TBC1D32: variants seen among roughly 807,000 people sequenced by gnomAD.
TBC1D32 encodes the protein TBC1 domain family member 32.
TBC1D32 carries 151 observed loss-of-function variants against 170.3 expected under a neutral mutation model. That is an observed-to-expected ratio of 0.89 (90% CI 0.78 to 1.01). The LOEUF (loss-of-function observed/expected upper bound fraction) is 1.01, where lower values mean the gene tolerates loss of function less well. TBC1D32 is among the 50% of genes least tolerant of loss of function. The probability of loss-of-function intolerance (pLI) is 0.00; values close to 1 mark genes in which losing one functional copy is unlikely to be tolerated. For synonymous variants in TBC1D32, 498 were observed against 488.0 expected (o/e 1.02, Z -0.27); for missense variants, 1,464 against 1,457.1 (o/e 1.00, Z -0.08).
chr6:121,191,287 A>C (rs1228773057), intron 22 of TBC1D32, among the ~76,000 whole-genome samples: 1 of 152,218 alleles, frequency 6.6e-6, no homozygotes, highest in East Asian at 1.9e-4. Context: ...TGATTGGCAC[A>C]CACAAAAGTA....
intron 22 of TBC1D32, among the ~76,000 whole-genome samples, chr6:121,185,913 C>T (rs756333167): frequency 3.9e-5 from 6 of 152,048 alleles, no homozygotes; most frequent in Admixed American, 6.6e-5. Flanking sequence ...TAGGATATCA[C>T]GCAGGACACA....
intron 21 of TBC1D32, among the ~76,000 whole-genome samples, chr6:121,213,515 A>AACATAACAT (rs1793397991): frequency 1.9e-4 from 5 of 25,880 alleles, no homozygotes; most frequent in Admixed American, 1.1e-3. Flanking sequence ...AAAATAAAAT[A>AACATAACAT]AAATAAAATA....
rs115054004 is a variant in TBC1D32 at position 121,122,632 on chromosome 6, T to G, written c.2983+3746A>C. 3.6e-3 allele frequency among the ~76,000 whole-genome samples: 549 copies of G among 152,216 alleles called. 2 individuals are homozygous for G. Among genetic ancestry groups the G allele is most frequent in the African/African-American group, 0.013 (526 of 41,568 alleles). The stretch of plus-strand genomic sequence containing the variant: ...TAATACTTTAATCTTCACTCCTAAC[T>G]AAAACTTCCCAGATCCTTTTTCTGT... On this transcript the variant is annotated intron_variant, in intron 26 of 31. Coordinates refer to ENST00000398212, the MANE Select transcript of TBC1D32 (RefSeq NM_152730.6).
At chr6:121,101,466 A>T (rs1778053301) in intron 30 of TBC1D32, among the ~76,000 whole-genome samples, 1 of 152,174 alleles carries the variant, frequency 6.6e-6, no homozygotes, top group Admixed American at 6.6e-5. Context: ...CCATCACATA[A>T]ACTGAACCAA....
At chr6:121,206,602 C>T (rs1265727396) in intron 21 of TBC1D32, among the ~76,000 whole-genome samples, 1 of 152,092 alleles carries the variant, frequency 6.6e-6, no homozygotes, top group Admixed American at 6.6e-5. Context: ...AACAACTGGA[C>T]TGTGGGTAGA....
rs562801292 is a variant in TBC1D32, at chr6:121,096,731, A to G, written c.3466-5690T>C. ...CATACGGAACCAAAAAAGATCCCAC[A>G]TTGCCAAGACAATCCTAAGCCAAAA... On this transcript the variant is annotated intron_variant, in intron 30 of 31. Coordinates refer to ENST00000398212, the MANE Select transcript of TBC1D32 (RefSeq NM_152730.6). 3.3e-5 allele frequency among the ~76,000 whole-genome samples: 5 copies of G among 152,290 alleles called. No individual in the cohort carries two copies. In the South Asian group the frequency reaches 1.0e-3, roughly 32 times the overall value.
intron 10 of TBC1D32, among the ~76,000 whole-genome samples, chr6:121,296,347 T>C (rs1273128188): frequency 6.6e-6 from 1 of 151,992 alleles, no homozygotes; most frequent in Admixed American, 6.6e-5. Context: ...ACCTGGGGGG[T>C]TGTCTTGGGG....
intron 24 of TBC1D32, among the ~76,000 whole-genome samples, chr6:121,146,021 G>A (rs1228470737): frequency 1.3e-5 from 2 of 152,186 alleles, no homozygotes; most frequent in Non-Finnish European, 2.9e-5. Flanking sequence ...AGTAAACAAA[G>A]CTGGGGTAGG....
At chr6:121,171,498 G>A (rs578017325) in intron 22 of TBC1D32, among the ~76,000 whole-genome samples, 1 of 151,914 alleles carries the variant, frequency 6.6e-6, no homozygotes, top group East Asian at 1.9e-4. Flanking sequence ...AAGGTTTTTT[G>A]TTTTGTTTTT....
chr6:121,101,486 C>A (rs529218663), intron 30 of TBC1D32, among the ~76,000 whole-genome samples: 6 of 152,032 alleles, frequency 3.9e-5, no homozygotes, highest in African/African-American at 1.4e-4. Context: ...AAGACAAAAA[C>A]CACATGGTTA....
intron 24 of TBC1D32, among the ~76,000 whole-genome samples, chr6:121,158,682 A>G (rs1273755): frequency 0.17 from 25,797 of 152,038 alleles, 2,825 homozygotes; most frequent in African/African-American, 0.28. Flanking sequence ...GAGAGCTACA[A>G]CCCTATACAG....
At chr6:121,214,457 C>T (rs113670412) in intron 21 of TBC1D32, among the ~76,000 whole-genome samples, 2,871 of 152,284 alleles carry the variant, frequency 0.019, 102 homozygotes, top group African/African-American at 0.066. Flanking sequence ...TGGGGTCCAG[C>T]CACTGCTCAA....
chr6:121,238,314 C>A (rs961084490), intron 20 of TBC1D32, among the ~76,000 whole-genome samples: 4 of 152,086 alleles, frequency 2.6e-5, no homozygotes, highest in African/African-American at 9.7e-5. Flanking sequence ...ATATTAACTT[C>A]CCTCTATTTT....
Position 121,206,007 on chromosome 6 carries a change from C to A in TBC1D32, c.2482-844G>T, listed in dbSNP as rs373740083. Among the ~76,000 whole-genome samples the A allele has an allele frequency of 2.6e-5, 4 of 151,994 alleles. No homozygotes were observed. In the East Asian group the frequency reaches 7.8e-4, roughly 30 times the overall value. ...TGGGCAGACCACAAGGTCAGGAGTT[C>A]GAGACCAGCCTGGCCAACATGGTGA... On this transcript the variant is annotated intron_variant, in intron 21 of 31. Transcript: ENST00000398212.
At chr6:121,119,795 T>C (rs1478373480) in intron 26 of TBC1D32, among the ~76,000 whole-genome samples, 2 of 152,126 alleles carry the variant, frequency 1.3e-5, no homozygotes, top group Non-Finnish European at 2.9e-5. Flanking sequence ...GCAAATTTTA[T>C]AATGGATTGA....
intron 14 of TBC1D32, among the ~76,000 whole-genome samples, chr6:121,281,230 TG>T (rs1802937154): frequency 6.6e-6 from 1 of 151,756 alleles, no homozygotes; most frequent in South Asian, 2.1e-4. Context: ...AAAACATTTA[TG>T]AGATTTATTA....
intron 31 of TBC1D32, among the ~76,000 whole-genome samples, chr6:121,090,002 C>T (rs898727764): frequency 6.0e-5 from 9 of 150,674 alleles, no homozygotes; most frequent in Non-Finnish European, 1.3e-4. Context: ...GGTGCGATCT[C>T]GGCTCATGCA....
intron 24 of TBC1D32, among the ~76,000 whole-genome samples, chr6:121,158,417 T>C (rs1785183908): frequency 6.6e-6 from 1 of 152,134 alleles, no homozygotes; most frequent in South Asian, 2.1e-4. Context: ...TGCACTGGAT[T>C]CCTTGGATTT....
At chr6:121,222,308 C>T (rs374853135) in intron 21 of TBC1D32, among the ~76,000 whole-genome samples, 20 of 152,002 alleles carry the variant, frequency 1.3e-4, no homozygotes, top group East Asian at 3.9e-4. Context: ...CATGTTATTG[C>T]GGTGGTATGG....
Sources: gnomAD v4.1 joint callset for allele counts (sites outside exome capture counted in the v4.1 genomes callset) on GRCh38, gnomAD v4.1.1 for gene constraint, MANE v1.5 for transcripts, NCBI Gene and HGNC (gene_info 2026-07-23, HGNC 2026-07-21) for gene names.